SASH1: variants seen among roughly 807,000 people sequenced by gnomAD.
SASH1 encodes the protein SAM and SH3 domain-containing protein 1.
SASH1 carries 44 observed loss-of-function variants against 125.2 expected under a neutral mutation model. The observed-to-expected ratio is 0.35, with a 90% CI of 0.28 to 0.45. SASH1 has a LOEUF of 0.45. Ranked by LOEUF, SASH1 falls within the 20% of genes least tolerant of loss-of-function variation. The probability of loss-of-function intolerance (pLI) is 1.00; values close to 1 mark genes in which losing one functional copy is unlikely to be tolerated. For missense variants in SASH1, 1,426 were observed against 1,614.5 expected (o/e 0.88, Z 2.00); for synonymous variants, 639 against 649.1 (o/e 0.98, Z 0.24).
intron 2 of SASH1, among the ~76,000 whole-genome samples, chr6:148,396,902 C>G (rs1014810504): frequency 3.9e-5 from 6 of 152,200 alleles, no homozygotes; most frequent in Admixed American, 1.3e-4. Context: ...TTGCTGTCAT[C>G]ATAAGTGACT....
the SASH1 span, among the ~76,000 whole-genome samples, chr6:148,206,155 C>T: frequency 1.3e-5 from 2 of 151,958 alleles, no homozygotes; most frequent in Non-Finnish European, 2.9e-5. Flanking sequence ...TGTATTAATA[C>T]ATTTTCATGG....
intron 4 of SASH1, among the ~76,000 whole-genome samples, chr6:148,442,368 G>C (rs990125558): frequency 2.0e-5 from 3 of 151,944 alleles, no homozygotes; most frequent in Admixed American, 6.6e-5. Context: ...GATCATGCTT[G>C]GGTGAAAGAA....
intron 2 of SASH1, among the ~76,000 whole-genome samples, chr6:148,398,623 C>T (rs59539999): frequency 0.061 from 9,296 of 152,124 alleles, 311 homozygotes; most frequent in Non-Finnish European, 0.074. Flanking sequence ...AGAACTGTGC[C>T]GCACACTATC....
intron 2 of SASH1, among the ~76,000 whole-genome samples, chr6:148,398,364 G>A (rs1301641694): frequency 1.3e-5 from 2 of 152,190 alleles, no homozygotes; most frequent in African/African-American, 4.8e-5. Context: ...GTGGGTTTTT[G>A]TTTGGTTTCA....
intron 1 of SASH1, among the ~76,000 whole-genome samples, chr6:148,380,994 T>C (rs1464759147): frequency 2.0e-5 from 3 of 152,224 alleles, no homozygotes; most frequent in Non-Finnish European, 4.4e-5. Context: ...AAATATTATT[T>C]GAATTAATGA....
At position 148,538,764 on chromosome 6, in the gene SASH1, T is replaced by G. The variant is rs530361565; in HGVS notation, c.2096-1679T>G. On this transcript the variant is annotated intron_variant, in intron 16 of 19. Coordinates refer to ENST00000367467, the MANE Select transcript of SASH1 (RefSeq NM_015278.5). The stretch of plus-strand genomic sequence containing the variant: ...TGAGAAAAGGCATCACATTTCTGGC[T>G]TATTGATTTCTTTTTTTCTTTGTGT... Among the ~76,000 whole-genome samples the G allele has an allele frequency of 6.2e-4, 95 of 152,322 alleles. 1 individual carries two copies. The highest frequency in any genetic ancestry group is 2.1e-3 in the African/African-American group (89 of 41,574).
chr6:148,496,353 G>C (rs185315929), intron 8 of SASH1, among the ~76,000 whole-genome samples: 14 of 152,214 alleles, frequency 9.2e-5, no homozygotes, highest in Non-Finnish European at 1.6e-4. Flanking sequence ...ACTTATTAAA[G>C]CTCTAATAGT....
At chr6:148,197,976 A>G in the SASH1 span, among the ~76,000 whole-genome samples, 13 of 152,278 alleles carry the variant, frequency 8.5e-5, no homozygotes, top group Middle Eastern at 3.4e-3. Flanking sequence ...CAGCATCCAG[A>G]GTAGCTGGAA....
At chr6:148,534,548 C>T (rs1460890773) in intron 15 of SASH1, among the ~76,000 whole-genome samples, 1 of 152,180 alleles carries the variant, frequency 6.6e-6, no homozygotes, top group East Asian at 1.9e-4. Context: ...TCTTCCTAAC[C>T]CATGATTAAT....
chr6:148,319,725 G>C (rs1286394740), intron 1 of SASH1, among the ~76,000 whole-genome samples: 3 of 151,994 alleles, frequency 2.0e-5, no homozygotes, highest in Non-Finnish European at 4.4e-5. Context: ...TGTTGGTCAG[G>C]CTGGTCTCGA....
chr6:148,218,413 T>A, the SASH1 span, among the ~76,000 whole-genome samples: 1 of 152,226 alleles, frequency 6.6e-6, no homozygotes, highest in East Asian at 1.9e-4. Flanking sequence ...TACGCTTCAG[T>A]AAGGGGAACA....
intron 8 of SASH1, among the ~76,000 whole-genome samples, chr6:148,497,100 T>C (rs184892654): frequency 4.6e-5 from 7 of 152,264 alleles, no homozygotes; most frequent in African/African-American, 1.7e-4. Context: ...AATAAGAATA[T>C]ATTAAAGTTC....
At chr6:148,524,253 T>C (rs1781002798) in intron 10 of SASH1, among the ~76,000 whole-genome samples, 1 of 151,018 alleles carries the variant, frequency 6.6e-6, no homozygotes, top group African/African-American at 2.4e-5. Flanking sequence ...ACTTTTCTGT[T>C]CATTTCTTCC....
chr6:148,393,971 C>T lies in SASH1; in HGVS notation c.285+3709C>T, dbSNP rs949795179. Among the ~76,000 whole-genome samples, 62 of 148,454 alleles carry T rather than the reference C, an allele frequency of 4.2e-4. 2 individuals carry two copies. The highest frequency in any genetic ancestry group is 8.9e-5 in the Non-Finnish European group (6 of 67,708). On this transcript the variant is annotated intron_variant, in intron 2 of 19. Coordinates refer to ENST00000367467, the MANE Select transcript of SASH1 (RefSeq NM_015278.5). ...GCAATGTCATGGTCTCGGCTCACTG[C>T]AACCTCTGCCTCCTGGGTTTAAGTA... is the stretch of plus-strand genomic sequence containing the variant.
chr6:148,537,351 T>C (rs1781911646), intron 16 of SASH1, among the ~76,000 whole-genome samples: 1 of 152,218 alleles, frequency 6.6e-6, no homozygotes. Flanking sequence ...GGCTATTCCT[T>C]ACGCCAAGCC....
chr6:148,391,880 T>C (rs533788686), intron 2 of SASH1, among the ~76,000 whole-genome samples: 27 of 152,264 alleles, frequency 1.8e-4, no homozygotes, highest in African/African-American at 6.0e-4. Context: ...CAGAAGAAAA[T>C]GTTCAACCCT....
At chr6:148,271,991 T>A (rs1779073703), upstream of SASH1, among the ~76,000 whole-genome samples, 1 of 152,184 alleles carries the variant, frequency 6.6e-6, no homozygotes, top group Admixed American at 6.5e-5. Context: ...AATATCTGGA[T>A]TTCTATTTAA....
intron 1 of SASH1, among the ~76,000 whole-genome samples, chr6:148,326,091 G>A (rs1257551435): frequency 6.7e-5 from 10 of 148,662 alleles, no homozygotes; most frequent in Non-Finnish European, 1.5e-4. Context: ...GTAATGGCAC[G>A]ATCTCCACTC....
chr6:148,309,837 A>G (rs575158476), intron 1 of SASH1, among the ~76,000 whole-genome samples: 100 of 152,302 alleles, frequency 6.6e-4, no homozygotes, highest in African/African-American at 2.2e-3. Flanking sequence ...TGGGCAAAGG[A>G]GAACAAAAAC....
Sources: allele counts gnomAD v4.1 joint callset (sites outside exome capture counted in the v4.1 genomes callset), GRCh38; gene constraint gnomAD v4.1.1; transcripts MANE v1.5; gene names NCBI Gene and HGNC (gene_info 2026-07-23, HGNC 2026-07-21).